MET: variants seen among roughly 807,000 people sequenced by gnomAD.
MET encodes hepatocyte growth factor receptor.
Under a neutral mutation model 133.1 loss-of-function variants are expected in MET, and 48 were observed. That is an observed-to-expected ratio of 0.36 (90% CI 0.29 to 0.46). The LOEUF (loss-of-function observed/expected upper bound fraction) is 0.46, where lower values mean the gene tolerates loss of function less well. MET is among the 20% of genes least tolerant of loss of function. The probability of loss-of-function intolerance (pLI) is 1.00; values close to 1 mark genes in which losing one functional copy is unlikely to be tolerated. For missense variants in MET, 1,442 were observed against 1,695.9 expected, an observed-to-expected ratio of 0.85 and a Z score of 2.63; for synonymous variants, 628 against 616.5, an observed-to-expected ratio of 1.02 and a Z score of -0.28.
chr7:116,794,724 G>A (rs536471730), intron 19 of MET, among the ~76,000 whole-genome samples: 1 of 152,288 alleles, frequency 6.6e-6, no homozygotes, highest in South Asian at 2.1e-4. Context: ...GAGTGGCCTG[G>A]AAGTGTTGCT....
intron 2 of MET, among the ~76,000 whole-genome samples, chr7:116,722,759 A>G (rs1792547675): frequency 6.6e-6 from 1 of 151,904 alleles, no homozygotes; most frequent in African/African-American, 2.4e-5. Context: ...TTGGCTGGAT[A>G]TGAAATTCTG....
rs145545383 is a variant in MET at position 116,744,055 on chromosome 7, G to T, written c.1701+3030G>T. Among the ~76,000 whole-genome samples the T allele has an allele frequency of 2.4e-3, 370 of 152,234 alleles. 1 individual carries two copies. Among genetic ancestry groups the T allele is most frequent in the Non-Finnish European group, 3.6e-3 (244 of 68,020 alleles). On this transcript the variant is annotated intron_variant, in intron 5 of 20. Transcript: ENST00000397752. ...AAGGTCACCAACATCAAAGACCAAA[G>T]GTTGATAAATCCATGAAGATGAGGA...
intron 5 of MET, 146 bp downstream of exon 5, chr7:116,741,171 A>T: frequency 1.1e-6 from 1 of 907,354 alleles, no homozygotes; most frequent in Non-Finnish European, 1.7e-6. Flanking sequence ...TTTAGCTGTG[A>T]GTCATCAGCT....
intron 17 of MET, 32 bp downstream of exon 17, chr7:116,778,989 A>T (rs373030124): frequency 2.5e-5 from 41 of 1,609,686 alleles, no homozygotes; most frequent in Non-Finnish European, 3.4e-5. Flanking sequence ...CTAACTGGCA[A>T]ACTAGCTGTA....
intron 2 of MET, among the ~76,000 whole-genome samples, chr7:116,711,056 ATC>A (rs561661506): frequency 9.5e-4 from 145 of 152,348 alleles, no homozygotes; most frequent in Non-Finnish European, 1.7e-3. Flanking sequence ...GTATAATAAA[ATC>A]TCTGTTCCAG....
At chr7:116,753,804 G>A (rs1010782918) in intron 5 of MET, among the ~76,000 whole-genome samples, 1 of 152,100 alleles carries the variant, frequency 6.6e-6, no homozygotes, top group East Asian at 1.9e-4. Context: ...ACATCAAATA[G>A]TGACCATATT....
rs146651797 is a variant in MET at position 116,778,957 on chromosome 7, T to G, written c.3522T>G (p.His1174Gln). Residue 1174 changes from histidine (H) to glutamine (Q), a missense_variant and splice_region_variant, in exon 17 of 21, where the codon CAT becomes CAG. His to Gln is a conservative substitution (Grantham distance 24). Coordinates refer to ENST00000397752, the MANE Select transcript of MET (RefSeq NM_000245.4). ...DLRNFIRNET[H>Q]NPTVKDLIGF... ...GAAATTTCATTCGAAATGAGACTCA[T>G]GTAAGTTGACTGCCAAGCTTACTAA... is the stretch of plus-strand genomic sequence containing the variant. 2 of 1,613,674 alleles carry G rather than the reference T, an allele frequency of 1.2e-6. No homozygotes were observed. The highest frequency in any genetic ancestry group is 2.2e-5 in the East Asian group (1 of 44,860).
intron 11 of MET, among the ~76,000 whole-genome samples, chr7:116,768,014 ATG>A (rs1277651598): frequency 1.8e-4 from 27 of 146,338 alleles, no homozygotes; most frequent in East Asian, 4.0e-4. Flanking sequence ...GTGTATACAT[ATG>A]TGTGTGTGTG....
intron 2 of MET, among the ~76,000 whole-genome samples, chr7:116,703,900 C>G (rs564299007): frequency 6.6e-6 from 1 of 152,244 alleles, no homozygotes; most frequent in South Asian, 2.1e-4. Context: ...GCTCTCGCCT[C>G]TCAGAAAATA....
Position 116,771,841 on chromosome 7 carries a change from G to A in MET, c.2888-8G>A, listed in dbSNP as rs752243890. On this transcript the variant is annotated splice_polypyrimidine_tract_variant and splice_region_variant and intron_variant, in intron 13 of 20. Coordinates refer to ENST00000397752, the MANE Select transcript of MET (RefSeq NM_000245.4). ...TTTAACAAGCTCTTTCTTTCTCTCT[G>A]TTTTAAGATCTGGGCAGTGAATTAG... The A allele has an allele frequency of 6.2e-7, 1 of 1,613,696 alleles. No homozygotes were observed. Among genetic ancestry groups the A allele is most frequent in the South Asian group, 1.1e-5 (1 of 91,068 alleles).
intron 3 of MET, among the ~76,000 whole-genome samples, chr7:116,732,773 G>A (rs111309351): frequency 1.8e-4 from 27 of 152,248 alleles, no homozygotes; most frequent in African/African-American, 5.8e-4. Flanking sequence ...CATCCTATAT[G>A]TGTATTCTTC....
At chr7:116,727,545 C>T (rs1252217722) in intron 2 of MET, among the ~76,000 whole-genome samples, 1 of 152,156 alleles carries the variant, frequency 6.6e-6, no homozygotes, top group Non-Finnish European at 1.5e-5. Context: ...TGGTTCCCTG[C>T]GGGTGCTGGT....
intron 2 of MET, among the ~76,000 whole-genome samples, chr7:116,716,290 A>AG (rs1792193904): frequency 1.8e-5 from 1 of 55,806 alleles, no homozygotes; most frequent in African/African-American, 8.7e-5. Flanking sequence ...AGAGGGAGAG[A>AG]GAGAGAGAGA....
At chr7:116,679,481 T>C (rs1796273720) in intron 1 of MET, among the ~76,000 whole-genome samples, 3 of 152,256 alleles carry the variant, frequency 2.0e-5, no homozygotes, top group African/African-American at 7.2e-5. Context: ...ATATGCTTTC[T>C]GAAAATTGAT....
intron 2 of MET, among the ~76,000 whole-genome samples, chr7:116,701,581 CA>C (rs1791581819): frequency 6.6e-6 from 1 of 152,124 alleles, no homozygotes; most frequent in Admixed American, 6.6e-5. Context: ...CTCTCTCTTC[CA>C]AAGTCTATGA....
intron 2 of MET, among the ~76,000 whole-genome samples, chr7:116,721,743 T>G (rs1193621896): frequency 6.6e-6 from 1 of 151,806 alleles, no homozygotes; most frequent in East Asian, 1.9e-4. Flanking sequence ...TCGTTATGTA[T>G]CCAGTAGTCA....
intron 3 of MET, among the ~76,000 whole-genome samples, chr7:116,739,207 A>G (rs1362991416): frequency 6.6e-6 from 1 of 152,222 alleles, no homozygotes; most frequent in Non-Finnish European, 1.5e-5. Flanking sequence ...ACTGGGTTCT[A>G]GGAACAGGAC....
In MET at chr7:116,774,235, C is replaced by T. The variant is rs1220859289; in HGVS notation, c.3029-646C>T. 5.3e-5 allele frequency among the ~76,000 whole-genome samples: 8 copies of T among 152,312 alleles called. No individual in the cohort carries two copies. The East Asian group carries it at 1.5e-3, about 29-fold the overall frequency. On this transcript the variant is annotated intron_variant, in intron 14 of 20. Transcript: ENST00000397752. The stretch of plus-strand genomic sequence containing the variant: ...TATAAAGATCAACTTATAAAGAATG[C>T]TTACCCCTTTCATAGTGTCCTTAAC...
At chr7:116,705,497 G>A (rs1791754859) in intron 2 of MET, among the ~76,000 whole-genome samples, 1 of 152,034 alleles carries the variant, frequency 6.6e-6, no homozygotes, top group Non-Finnish European at 1.5e-5. Flanking sequence ...AGATTATAGA[G>A]TTTTTTACTT....
Sources: allele counts gnomAD v4.1 joint callset (sites outside exome capture counted in the v4.1 genomes callset), GRCh38; gene constraint gnomAD v4.1.1; transcripts MANE v1.5; gene names NCBI Gene and HGNC (gene_info 2026-07-23, HGNC 2026-07-21).